The following ZNF385D variants were observed in gnomAD, a reference collection of about 807,000 sequenced individuals.
The protein encoded by ZNF385D is zinc finger protein 659.
Under a neutral mutation model 35.8 loss-of-function variants are expected in ZNF385D, and 15 were observed. The observed-to-expected ratio is 0.42, with a 90% CI of 0.28 to 0.64. The LOEUF (loss-of-function observed/expected upper bound fraction) is 0.64. Ranked by LOEUF, ZNF385D falls within the 30% of genes least tolerant of loss-of-function variation. The pLI, the probability that ZNF385D is intolerant of heterozygous loss-of-function variation, is 0.23. For synonymous variants in ZNF385D, 212 were observed against 186.8 expected (o/e 1.13, Z -1.10); for missense variants, 474 against 494.6 (o/e 0.96, Z 0.39).
At chr3:21,752,260 A>T (rs979904821), upstream of ZNF385D, among the ~76,000 whole-genome samples, 2 of 152,144 alleles carry the variant, frequency 1.3e-5, no homozygotes, top group Non-Finnish European at 2.9e-5. Context: ...CACTTTGGGA[A>T]CCAATTTACG....
intron 2 of ZNF385D, among the ~76,000 whole-genome samples, chr3:21,643,023 G>A (rs1416600376): frequency 6.6e-6 from 1 of 151,938 alleles, no homozygotes; most frequent in Non-Finnish European, 1.5e-5. Flanking sequence ...AATGCACAAT[G>A]TAAATATACT....
At chr3:21,430,510 C>T (rs528644230) in intron 5 of ZNF385D, among the ~76,000 whole-genome samples, 1 of 152,098 alleles carries the variant, frequency 6.6e-6, no homozygotes, top group South Asian at 2.1e-4. Context: ...GCTGAGGGAC[C>T]CAATGGGCAG....
intron 3 of ZNF385D, among the ~76,000 whole-genome samples, chr3:21,955,667 T>C (rs1310150035): frequency 6.6e-6 from 1 of 152,150 alleles, no homozygotes; most frequent in African/African-American, 2.4e-5. Flanking sequence ...CTGCATAGAT[T>C]CAGCCTGACC....
chr3:21,584,654 TTTTTCTA>T (rs2063760476), intron 2 of ZNF385D, among the ~76,000 whole-genome samples: 1 of 152,160 alleles, frequency 6.6e-6, no homozygotes, highest in South Asian at 2.1e-4. Context: ...ATAAACCATG[TTTTTCTA>T]GTTTCTTTTT....
chr3:22,113,938 T>A (rs6781848), intron 3 of ZNF385D, among the ~76,000 whole-genome samples: 29,768 of 151,972 alleles, frequency 0.2, 3,220 homozygotes, highest in African/African-American at 0.26. Flanking sequence ...GGTACATTCA[T>A]TGGAACTAGA....
Position 21,599,844 on chromosome 3 carries a change from A to G in ZNF385D, c.166-35160T>C, listed in dbSNP as rs544609559. Among the ~76,000 whole-genome samples, 6 of 152,318 alleles carry G rather than the reference A, an allele frequency of 3.9e-5. No homozygotes were observed. The South Asian group carries it at 1.2e-3, about 32-fold the overall frequency. On this transcript the variant is annotated intron_variant, in intron 2 of 7. Transcript: ENST00000281523. Reference sequence around the variant, plus strand: ...GCATGTGAACCAGAGCAAGTCCATCATCTTGAATATGAGCTGGGTAAAATG... The same window carrying G: ...GCATGTGAACCAGAGCAAGTCCATCGTCTTGAATATGAGCTGGGTAAAATG...
chr3:22,256,489 T>C (rs1479739107), intron 2 of ZNF385D, among the ~76,000 whole-genome samples: 1 of 151,826 alleles, frequency 6.6e-6, no homozygotes, highest in Non-Finnish European at 1.5e-5. Flanking sequence ...TTTCAGATAG[T>C]TCTTTTCCAA....
chr3:21,489,227 C>T (rs1047092379), intron 4 of ZNF385D, among the ~76,000 whole-genome samples: 6 of 152,062 alleles, frequency 3.9e-5, no homozygotes, highest in African/African-American at 7.2e-5. Context: ...AGAGTCTACA[C>T]GGTCCAGGAA....
chr3:22,202,407 G>A (rs575091593), intron 2 of ZNF385D, among the ~76,000 whole-genome samples: 1 of 152,182 alleles, frequency 6.6e-6, no homozygotes, highest in African/African-American at 2.4e-5. Flanking sequence ...ATAATCTCCT[G>A]GTGCCATACA....
intron 2 of ZNF385D, among the ~76,000 whole-genome samples, chr3:22,364,794 T>G (rs148528822): frequency 6.6e-6 from 1 of 152,230 alleles, no homozygotes; most frequent in African/African-American, 2.4e-5. Flanking sequence ...CACTCATGTT[T>G]ACAGCAACAT....
chr3:21,930,932 G>C (rs9809338), intron 3 of ZNF385D, among the ~76,000 whole-genome samples: 11,953 of 152,028 alleles, frequency 0.079, 1,557 homozygotes, highest in African/African-American at 0.27. Context: ...AACATTAAAA[G>C]CACAATCCAT....
intron 2 of ZNF385D, among the ~76,000 whole-genome samples, chr3:21,608,405 A>G (rs2064562171): frequency 6.6e-6 from 1 of 152,206 alleles, no homozygotes; most frequent in Non-Finnish European, 1.5e-5. Context: ...GTAGTATCAG[A>G]TAACTAAAAA....
In ZNF385D at chr3:21,434,874, C is replaced by T. The variant is rs376700313; in HGVS notation, c.673+2096G>A. Among the ~76,000 whole-genome samples, 40 of 152,154 alleles carry T rather than the reference C, an allele frequency of 2.6e-4. 1 individual carries two copies. Among genetic ancestry groups the T allele is most frequent in the African/African-American group, 8.2e-4 (34 of 41,502 alleles). On this transcript the variant is annotated intron_variant, in intron 5 of 7. Transcript: ENST00000281523. ...GAAAGAAGGCAAGTGGCCTTCTTTC[C>T]ACCGATTAGGCCTAAGGTTCAGAGA...
intron 3 of ZNF385D, among the ~76,000 whole-genome samples, chr3:21,541,206 C>T (rs926147211): frequency 1.3e-5 from 2 of 152,046 alleles, no homozygotes; most frequent in Admixed American, 6.6e-5. Context: ...AATTTCATTC[C>T]CCTTAATTAG....
At chr3:22,270,584 T>C (rs1417943439) in intron 2 of ZNF385D, among the ~76,000 whole-genome samples, 2 of 152,020 alleles carry the variant, frequency 1.3e-5, no homozygotes, top group East Asian at 3.9e-4. Flanking sequence ...CTTTCCTAGA[T>C]ACAATAAAAT....
chr3:21,706,039 A>T (rs1430495108), intron 1 of ZNF385D, among the ~76,000 whole-genome samples: 1 of 152,204 alleles, frequency 6.6e-6, no homozygotes, highest in Non-Finnish European at 1.5e-5. Flanking sequence ...ACGACAGAAC[A>T]TCTGATGCAC....
intron 3 of ZNF385D, among the ~76,000 whole-genome samples, chr3:22,068,950 A>C (rs941349): frequency 0.52 from 78,317 of 152,010 alleles, 21,918 homozygotes; most frequent in African/African-American, 0.75. Context: ...CTTCCAGATG[A>C]CATTACATAT....
At chr3:21,428,522 T>C (rs1241996197) in intron 5 of ZNF385D, among the ~76,000 whole-genome samples, 1 of 152,138 alleles carries the variant, frequency 6.6e-6, no homozygotes, top group African/African-American at 2.4e-5. Context: ...CTGTCTTTTC[T>C]AAACTTGGAA....
intron 3 of ZNF385D, among the ~76,000 whole-genome samples, chr3:21,550,877 G>C (rs1284727672): frequency 6.6e-6 from 1 of 152,142 alleles, no homozygotes; most frequent in Admixed American, 6.5e-5. Flanking sequence ...TTCAAGCAAT[G>C]TTATGCTCTC....
Sources: gnomAD v4.1 joint callset for allele counts (sites outside exome capture counted in the v4.1 genomes callset) on GRCh38, gnomAD v4.1.1 for gene constraint, MANE v1.5 for transcripts, NCBI Gene and HGNC (gene_info 2026-07-23, HGNC 2026-07-21) for gene names.